The following CTNND2 variants were observed in gnomAD, a reference collection of about 807,000 sequenced individuals.
CTNND2 encodes the protein catenin delta 2.
Under a neutral mutation model 144.4 loss-of-function variants are expected in CTNND2, and 22 were observed. The ratio of observed to expected loss-of-function variants is 0.15; its 90% CI spans 0.11 to 0.22. The LOEUF (loss-of-function observed/expected upper bound fraction) is 0.22, where lower values mean the gene tolerates loss of function less well. CTNND2 is among the 10% of genes least tolerant of loss of function. The pLI, the probability that CTNND2 is intolerant of heterozygous loss-of-function variation, is 1.00. For synonymous variants in CTNND2, 751 were observed against 695.6 expected, an observed-to-expected ratio of 1.08 and a Z score of -1.25; for missense variants, 1,353 against 1,618.8, an observed-to-expected ratio of 0.84 and a Z score of 2.82.
chr5:11,533,151 T>C (rs1191014960), intron 3 of CTNND2, among the ~76,000 whole-genome samples: 1 of 152,220 alleles, frequency 6.6e-6, no homozygotes, highest in Non-Finnish European at 1.5e-5. Flanking sequence ...CACATTCATA[T>C]GCATAAAAGG....
In CTNND2 at chr5:11,363,402, CT is replaced by C. The variant is rs925292064; in HGVS notation, c.1372+1293del. On this transcript the variant is annotated intron_variant, in intron 8 of 21. Coordinates refer to ENST00000304623, the MANE Select transcript of CTNND2 (RefSeq NM_001332.4). ...TGAATGTCACTGTGGTTATCTTCTT[CT>C]TTTATAAGATGTGCATAAAAATAAA... Among the ~76,000 whole-genome samples the C allele has an allele frequency of 3.7e-4, 56 of 152,150 alleles. 1 individual carries two copies. The highest frequency in any genetic ancestry group is 3.4e-3 in the Middle Eastern group (1 of 294).
intron 3 of CTNND2, among the ~76,000 whole-genome samples, chr5:11,556,896 A>C (rs1441019861): frequency 6.6e-6 from 1 of 152,118 alleles, no homozygotes; most frequent in East Asian, 1.9e-4. Context: ...ATATAATAAA[A>C]ATGGTGGGGT....
chr5:11,356,045 G>A (rs1288807704), intron 8 of CTNND2, among the ~76,000 whole-genome samples: 3 of 151,894 alleles, frequency 2.0e-5, no homozygotes, highest in Non-Finnish European at 4.4e-5. Flanking sequence ...AGAAATAGAA[G>A]AGGACACAAA....
intron 16 of CTNND2, among the ~76,000 whole-genome samples, chr5:11,035,420 C>T (rs968329449): frequency 1.3e-5 from 2 of 152,150 alleles, no homozygotes; most frequent in Admixed American, 6.5e-5. Context: ...TCGCTCTGAC[C>T]CTTTCATTTG....
chr5:11,123,866 T>C (rs756283961), intron 12 of CTNND2, among the ~76,000 whole-genome samples: 6 of 152,222 alleles, frequency 3.9e-5, no homozygotes, highest in African/African-American at 1.2e-4. Context: ...TGCTATGTGA[T>C]GTATAGACTC....
At chr5:11,065,366 G>A (rs1747449910) in intron 16 of CTNND2, among the ~76,000 whole-genome samples, 1 of 152,230 alleles carries the variant, frequency 6.6e-6, no homozygotes, top group South Asian at 2.1e-4. Context: ...TGATCCAGTA[G>A]CACAGTCACA....
intron 1 of CTNND2, among the ~76,000 whole-genome samples, chr5:11,802,399 C>A (rs138659684): frequency 6.6e-6 from 1 of 151,844 alleles, no homozygotes; most frequent in African/African-American, 2.4e-5. Context: ...GAAACCCCGT[C>A]CCTACTAAAA....
At chr5:11,466,689 A>G (rs61757537) in intron 3 of CTNND2, among the ~76,000 whole-genome samples, 260 of 152,328 alleles carry the variant, frequency 1.7e-3, no homozygotes, top group Non-Finnish European at 3.2e-3. Flanking sequence ...AGGAGGGCAT[A>G]CCTCATGAGA....
intron 10 of CTNND2, among the ~76,000 whole-genome samples, chr5:11,219,817 T>C (rs1739600897): frequency 6.6e-6 from 1 of 152,206 alleles, no homozygotes; most frequent in South Asian, 2.1e-4. Flanking sequence ...AAAAGAACTT[T>C]GGAAATTATT....
chr5:11,207,861 T>C (rs1738217348), intron 10 of CTNND2, among the ~76,000 whole-genome samples: 1 of 152,150 alleles, frequency 6.6e-6, no homozygotes, highest in South Asian at 2.1e-4. Flanking sequence ...TTTAACCTTG[T>C]TGTGGGTGTG....
In CTNND2 at chr5:11,260,432, G is replaced by T. The variant is rs1262229161; in HGVS notation, c.1629-23609C>A. Among the ~76,000 whole-genome samples the T allele has an allele frequency of 5.9e-5, 9 of 151,590 alleles. No individual in the cohort carries two copies. In the East Asian group the frequency reaches 1.2e-3, roughly 20 times the overall value. Reference sequence around the variant, plus strand: ...ACAAGGTCTCACACGAAAACCCAATGAAAAAAAACCAGTAAAATTATCTTT... The same window carrying T: ...ACAAGGTCTCACACGAAAACCCAATTAAAAAAAACCAGTAAAATTATCTTT... On this transcript the variant is annotated intron_variant, in intron 9 of 21. Transcript: ENST00000304623.
intron 9 of CTNND2, among the ~76,000 whole-genome samples, chr5:11,289,506 C>T (rs528290020): frequency 6.6e-6 from 1 of 152,336 alleles, no homozygotes; most frequent in East Asian, 1.9e-4. Flanking sequence ...AACTCCTCGC[C>T]TTCAAAATAG....
At chr5:11,525,543 A>G (rs1773166787) in intron 3 of CTNND2, among the ~76,000 whole-genome samples, 1 of 152,268 alleles carries the variant, frequency 6.6e-6, no homozygotes, top group South Asian at 2.1e-4. Context: ...CAGAAATATC[A>G]AAAGCTAGGA....
At chr5:11,234,117 T>C (rs154717) in intron 10 of CTNND2, among the ~76,000 whole-genome samples, 19,568 of 152,064 alleles carry the variant, frequency 0.13, 1,340 homozygotes, top group South Asian at 0.19. Flanking sequence ...GCAACCTTGA[T>C]GGCACCCACA....
At chr5:11,470,973 T>C (rs1228948199) in intron 3 of CTNND2, among the ~76,000 whole-genome samples, 5 of 95,930 alleles carry the variant, frequency 5.2e-5, no homozygotes, top group East Asian at 4.4e-4. Context: ...TATATATATA[T>C]ATATATATTT....
intron 2 of CTNND2, among the ~76,000 whole-genome samples, chr5:11,565,856 A>C (rs953721590): frequency 1.1e-4 from 17 of 152,214 alleles, no homozygotes; most frequent in African/African-American, 4.1e-4. Flanking sequence ...TTAAAAATGA[A>C]AATAACCAGA....
At position 11,904,221 on chromosome 5, in the gene CTNND2, C is replaced by T. The variant is rs1458518491; in HGVS notation, c.-368G>A. Among the ~76,000 whole-genome samples the T allele has an allele frequency of 6.9e-6, 1 of 145,664 alleles. No individual in the cohort carries two copies. The highest frequency in any genetic ancestry group is 1.5e-5 in the Non-Finnish European group (1 of 65,604). On this transcript the variant is annotated 5_prime_UTR_variant, in exon 1 of 22. Coordinates refer to ENST00000304623, the MANE Select transcript of CTNND2 (RefSeq NM_001332.4). The surrounding 1 kb of genome is among the most constrained non-coding windows in gnomAD (Gnocchi z 4.2). ...GCAGCTCCGCTCAGCCGGCTGTCGC[C>T]GCGGGCGCGAGCCTGGGGCCGCCGC...
At chr5:11,459,471 A>C (rs974990298) in intron 3 of CTNND2, among the ~76,000 whole-genome samples, 1 of 152,218 alleles carries the variant, frequency 6.6e-6, no homozygotes, top group Non-Finnish European at 1.5e-5. Context: ...ATATTGAAAG[A>C]TAAAGATAAT....
At chr5:11,894,247 T>A (rs1234485920) in intron 1 of CTNND2, among the ~76,000 whole-genome samples, 1 of 151,878 alleles carries the variant, frequency 6.6e-6, no homozygotes, top group Non-Finnish European at 1.5e-5. Flanking sequence ...GACTTCACTC[T>A]TGAAGGACAA....
Sources: gnomAD v4.1 joint callset for allele counts (sites outside exome capture counted in the v4.1 genomes callset) on GRCh38, gnomAD v4.1.1 for gene constraint, Gnocchi (gnomAD v3.1) non-coding constraint, MANE v1.5 for transcripts, NCBI Gene and HGNC (gene_info 2026-07-23, HGNC 2026-07-21) for gene names.